USP7: variants seen among roughly 807,000 people sequenced by gnomAD.
USP7 encodes ubiquitin specific peptidase 7.
USP7 carries 9 observed loss-of-function variants against 162.9 expected under a neutral mutation model. That is an observed-to-expected ratio of 0.06 (90% CI 0.03 to 0.10). The LOEUF (loss-of-function observed/expected upper bound fraction) is 0.10, where lower values mean the gene tolerates loss of function less well. Among genes scored for constraint, USP7 ranks in the 10% least tolerant of loss-of-function variants. The pLI is 1.00. For missense variants in USP7, 715 were observed against 1,373.7 expected (o/e 0.52, Z 7.58); for synonymous variants, 562 against 475.9 (o/e 1.18, Z -2.35).
chr16:8,923,702 A>G (rs1897834739), intron 2 of USP7, among the ~76,000 whole-genome samples: 1 of 152,194 alleles, frequency 6.6e-6, no homozygotes, highest in Non-Finnish European at 1.5e-5. Context: ...ACTAAAGCTG[A>G]ATTCCCAAGG....
At chr16:8,899,027 G>T in intron 23 of USP7, 94 bp downstream of exon 23, 2 of 1,324,004 alleles carry the variant, frequency 1.5e-6, no homozygotes, top group Non-Finnish European at 2.2e-6. Context: ...AGGTGAAATG[G>T]CGAGCTAATT....
intron 22 of USP7, 43 bp from the exon 23 acceptor site, chr16:8,899,231 A>C (rs560644629): frequency 6.2e-7 from 1 of 1,600,072 alleles, no homozygotes; most frequent in African/African-American, 1.3e-5. Context: ...GGAAAAATTG[A>C]AACTTGGTCA....
chr16:8,900,471 C>A, intron 21 of USP7, 59 bp downstream of exon 21: 3 of 1,350,210 alleles, frequency 2.2e-6, no homozygotes, highest in Non-Finnish European at 2.0e-6. Context: ...CTTGGTTCTA[C>A]AACTTAAAAA....
At chr16:8,956,775 AC>A (rs1208479592) in intron 1 of USP7, among the ~76,000 whole-genome samples, 7 of 131,664 alleles carry the variant, frequency 5.3e-5, no homozygotes, top group East Asian at 2.3e-4. Context: ...AAAAACAAAA[AC>A]AAAAAAAAAA....
chr16:8,938,574 C>T (rs952806083), intron 1 of USP7, among the ~76,000 whole-genome samples: 8 of 151,978 alleles, frequency 5.3e-5, no homozygotes, highest in East Asian at 1.9e-4. Flanking sequence ...TAGCTGGGCA[C>T]GGTGGCAGGC....
intron 10 of USP7, among the ~76,000 whole-genome samples, chr16:8,911,613 G>T (rs774207376): frequency 6.6e-6 from 1 of 152,232 alleles, no homozygotes; most frequent in Non-Finnish European, 1.5e-5. Context: ...CCCCGTGATG[G>T]GCCCAGCTCT....
At chr16:8,898,324 A>G (rs754808713) in intron 25 of USP7, 36 bp downstream of exon 25, 1 of 1,507,866 alleles carries the variant, frequency 6.6e-7, no homozygotes, top group Admixed American at 1.9e-5. Context: ...GCAAGTTCCA[A>G]TAAAAATTAA....
chr16:8,898,340 A>AT lies in USP7; in HGVS notation c.2718+19dup. On this transcript the variant is annotated intron_variant, in intron 25 of 30. Transcript: ENST00000344836. ...CAAGTTCCAATAAAAATTAAAATTC[A>AT]TAGTATTAAAAAAACTTACCTCTTC... is the stretch of plus-strand genomic sequence containing the variant. 1 of 1,559,758 alleles carries AT rather than the reference A, an allele frequency of 6.4e-7. No individual in the cohort carries two copies. Among genetic ancestry groups the AT allele is most frequent in the South Asian group, 1.2e-5 (1 of 85,544 alleles).
chr16:8,906,117 T>C (rs2061855866), intron 13 of USP7, among the ~76,000 whole-genome samples: 1 of 152,206 alleles, frequency 6.6e-6, no homozygotes, highest in East Asian at 1.9e-4. Flanking sequence ...CCTCCCCGAC[T>C]GGGCCCACCG....
At chr16:8,909,647 G>A (rs911449362) in intron 11 of USP7, among the ~76,000 whole-genome samples, 3 of 152,212 alleles carry the variant, frequency 2.0e-5, no homozygotes, top group Admixed American at 6.5e-5. Context: ...GCAACTTTCT[G>A]GATGAGCAAG....
chr16:8,899,751 G>T lies in USP7; in HGVS notation c.2316C>A (p.Asp772Glu), dbSNP rs1415639181. The T allele has an allele frequency of 6.2e-7, 1 of 1,614,194 alleles. No individual in the cohort carries two copies. Among genetic ancestry groups the T allele is most frequent in the Admixed American group, 1.7e-5 (1 of 60,014 alleles). Reference protein sequence around the residue: ...DGDIIVFQKDDPENDNSELPT... With the variant: ...DGDIIVFQKDEPENDNSELPT... Reference sequence around the variant, plus strand: ...GTAATTCACTGTTATCATTTTCAGGGTCATCCCTGGTGGAGGGAGAAAGTT... The same window carrying T: ...GTAATTCACTGTTATCATTTTCAGGTTCATCCCTGGTGGAGGGAGAAAGTT... The change falls in exon 22 of 31, where the codon GAC becomes GAA. Residue 772 changes from aspartate to glutamate, a missense_variant. Physicochemically the swap from Asp to Glu is conservative, Grantham distance 45 (BLOSUM62 2). Around this residue, in one of 11 missense-constraint regions of USP7, gnomAD observed 222 missense variants for 441.7 expected, o/e 0.50. Transcript: ENST00000344836.
At chr16:8,899,457 G>C in intron 22 of USP7, 147 bp downstream of exon 22, 1 of 1,047,720 alleles carries the variant, frequency 9.5e-7, no homozygotes, top group Non-Finnish European at 1.4e-6. Context: ...CCAAGGCAGA[G>C]AGCCTGAATC....
chr16:8,936,045 G>A (rs990421313), intron 1 of USP7, among the ~76,000 whole-genome samples: 3 of 152,138 alleles, frequency 2.0e-5, no homozygotes, highest in Admixed American at 6.5e-5. Flanking sequence ...CCCCCAAAAA[G>A]CTGGCAGGGG....
In USP7 at chr16:8,924,225, TGCA is replaced by T. The variant is rs536423671; in HGVS notation, c.185-815_185-813del. Reference sequence around the variant, plus strand: ...TCGGTCAATCACCTTTGACAAACCCTGCAGCATCTTACTGCTTCCCAAACGACT... The same window carrying T: ...TCGGTCAATCACCTTTGACAAACCCTGCATCTTACTGCTTCCCAAACGACT... On this transcript the variant is annotated intron_variant, in intron 2 of 30. Transcript: ENST00000344836. Among the ~76,000 whole-genome samples, 9 of 152,378 alleles carry T rather than the reference TGCA, an allele frequency of 5.9e-5. No homozygotes were observed. The East Asian group carries it at 1.5e-3, about 26-fold the overall frequency.
At chr16:8,901,107 A>C in intron 19 of USP7, 35 bp downstream of exon 19, 3 of 1,613,360 alleles carry the variant, frequency 1.9e-6, no homozygotes, top group Non-Finnish European at 2.5e-6. Context: ...TACTGAGCAA[A>C]ATCTACTCAG....
chr16:8,936,147 C>G (rs1476189559), intron 1 of USP7, among the ~76,000 whole-genome samples: 1 of 152,178 alleles, frequency 6.6e-6, no homozygotes, highest in Non-Finnish European at 1.5e-5. Flanking sequence ...GAAGACCCAG[C>G]TCGGCCTCTG....
At chr16:8,959,449 T>C (rs899920311) in intron 1 of USP7, among the ~76,000 whole-genome samples, 1 of 152,098 alleles carries the variant, frequency 6.6e-6, no homozygotes, top group African/African-American at 2.4e-5. Context: ...ATCAGCAGCC[T>C]GAAAGAATCA....
Position 8,906,349 on chromosome 16 carries a change from G to A in USP7, c.1428+77C>T, listed in dbSNP as rs2061860392. On this transcript the variant is annotated intron_variant, in intron 13 of 30. Coordinates refer to ENST00000344836, the MANE Select transcript of USP7 (RefSeq NM_003470.3). ...GGGTCCCTGACAAGGTTCCGAGTAG[G>A]AACCAGAACAGGCTGAAGCAGAGCT... 4.6e-6 allele frequency: 7 copies of A among 1,519,014 alleles called. No homozygotes were observed. In the East Asian group the frequency reaches 6.8e-5, roughly 15 times the overall value. The allele number at this position is 1,519,014 out of a possible 1,614,324, so 94.1% of individuals were successfully genotyped here. A position where few individuals can be genotyped will look rare whatever the true frequency, so the allele number is the denominator to read the frequency against.
intron 18 of USP7, among the ~76,000 whole-genome samples, chr16:8,901,501 AAACTTAG>A (rs2061773923): frequency 6.6e-6 from 1 of 152,240 alleles, no homozygotes; most frequent in Non-Finnish European, 1.5e-5. Flanking sequence ...TGAGTGCAGC[AAACTTAG>A]AATTCCTAGT....
Sources: allele counts gnomAD v4.1 joint callset (sites outside exome capture counted in the v4.1 genomes callset), GRCh38; gene constraint gnomAD v4.1.1; regional missense constraint gnomAD v4.1.1; transcripts MANE v1.5; gene names NCBI Gene and HGNC (gene_info 2026-07-23, HGNC 2026-07-21).